The following TRAPPC12 variants were observed in gnomAD, a reference collection of about 807,000 sequenced individuals.
TRAPPC12 encodes the protein TPR repeat protein 15.
TRAPPC12 carries 61 observed loss-of-function variants against 69.2 expected under a neutral mutation model. That is an observed-to-expected ratio of 0.88 (90% CI 0.72 to 1.09). The LOEUF is 1.09. TRAPPC12 is among the 50% of genes least tolerant of loss of function. The pLI, the probability that TRAPPC12 is intolerant of heterozygous loss-of-function variation, is 0.00. For synonymous variants in TRAPPC12, 469 were observed against 438.9 expected, an observed-to-expected ratio of 1.07 and a Z score of -0.86; for missense variants, 1,101 against 1,016.4, an observed-to-expected ratio of 1.08 and a Z score of -1.13.
At chr2:3,457,747 T>G (rs1665241759) in intron 7 of TRAPPC12, 54 bp downstream of exon 7, 1 of 1,599,698 alleles carries the variant, frequency 6.3e-7, no homozygotes, top group Non-Finnish European at 8.5e-7. Flanking sequence ...ACTGACAGAC[T>G]GAGCCCAAAG....
At chr2:3,398,984 C>G (rs547580448) in intron 2 of TRAPPC12, among the ~76,000 whole-genome samples, 2 of 152,330 alleles carry the variant, frequency 1.3e-5, no homozygotes, top group South Asian at 4.1e-4. Context: ...ACCTCCCCTG[C>G]ACAGTAACGG....
At chr2:3,425,833 A>G (rs577014639) in intron 5 of TRAPPC12, among the ~76,000 whole-genome samples, 4 of 152,234 alleles carry the variant, frequency 2.6e-5, no homozygotes, top group Non-Finnish European at 5.9e-5. Context: ...GTCTCAGAAA[A>G]TTTAAATAAA....
chr2:3,472,708 C>T (rs1666118326), intron 9 of TRAPPC12: 1 of 152,136 alleles, frequency 6.6e-6, no homozygotes, highest in African/African-American at 2.4e-5. Context: ...TTGCAAATCC[C>T]GTATCTGATA....
At chr2:3,424,477 C>G in intron 4 of TRAPPC12, 48 bp from the exon 5 acceptor site, 1 of 1,559,232 alleles carries the variant, frequency 6.4e-7, no homozygotes, top group Non-Finnish European at 8.7e-7. Context: ...AAATTCTGAA[C>G]TGGATATATG....
chr2:3,461,466 C>T (rs962868437), intron 8 of TRAPPC12, among the ~76,000 whole-genome samples: 5 of 152,194 alleles, frequency 3.3e-5, no homozygotes, highest in South Asian at 2.1e-4. Context: ...AGCAAGCGAC[C>T]GTGACGCAGC....
intron 1 of TRAPPC12, among the ~76,000 whole-genome samples, chr2:3,380,288 G>A (rs540133960): frequency 1.8e-4 from 27 of 152,168 alleles, no homozygotes; most frequent in Non-Finnish European, 3.2e-4. Context: ...CCCTCCCGCG[G>A]AAAGAGGTTA....
chr2:3,402,419 T>C (rs766390401), intron 3 of TRAPPC12, among the ~76,000 whole-genome samples: 2 of 152,020 alleles, frequency 1.3e-5, no homozygotes. Context: ...GTGAACCCCA[T>C]CTCTACTAAA....
At chr2:3,435,657 C>G (rs1335511232) in intron 5 of TRAPPC12, among the ~76,000 whole-genome samples, 1 of 152,190 alleles carries the variant, frequency 6.6e-6, no homozygotes, top group African/African-American at 2.4e-5. Flanking sequence ...TCCACGAGTA[C>G]AAGCAGGTGT....
rs1666358102 is a variant in TRAPPC12 at position 3,477,761 on chromosome 2, G to A, written c.1843G>A (p.Gly615Arg). 2 of 1,604,150 alleles carry A rather than the reference G, an allele frequency of 1.2e-6. No individual in the cohort carries two copies. Among genetic ancestry groups the A allele is most frequent in the Non-Finnish European group, 1.7e-6 (2 of 1,175,944 alleles). Residue 615 changes from glycine to arginine, a missense_variant, in exon 10 of 12, where the codon GGA becomes AGA. By Grantham distance (125) the Gly-to-Arg change is moderately radical. Coordinates refer to ENST00000324266, the MANE Select transcript of TRAPPC12 (RefSeq NM_016030.6). ...DVEKVTQKLD[G>R]LQGKIMVLMN... is the part of the protein sequence containing the mutation. ...TGAGAAAGTAACACAGAAATTAGATGGACTACAGGGTAAAATCATGGTTTT... is the reference window on the plus strand; with the variant it reads ...TGAGAAAGTAACACAGAAATTAGATAGACTACAGGGTAAAATCATGGTTTT...
Position 3,457,694 on chromosome 2 carries a change from G to A in TRAPPC12, c.1603+1G>A, listed in dbSNP as rs1458301330. 6.2e-7 allele frequency: 1 copy of A among 1,609,916 alleles called. No homozygotes were observed. The highest frequency in any genetic ancestry group is 2.2e-5 in the East Asian group (1 of 44,874). The stretch of plus-strand genomic sequence containing the variant: ...AGCGTGACTCAGGAGGGCAGACAAG[G>A]TGGGTCGGCCGGACTTTGCTGACTA... On this transcript the variant is annotated splice_donor_variant, in intron 7 of 11. Coordinates refer to ENST00000324266, the MANE Select transcript of TRAPPC12 (RefSeq NM_016030.6). LOFTEE classifies it high-confidence loss of function.
intron 9 of TRAPPC12, among the ~76,000 whole-genome samples, chr2:3,470,216 A>G (rs1479927378): frequency 6.6e-6 from 1 of 152,224 alleles, no homozygotes; most frequent in Non-Finnish European, 1.5e-5. Flanking sequence ...TTCCGGGTCA[A>G]CCCTAGCGAG....
In TRAPPC12 at chr2:3,388,232, C is replaced by T. The variant is rs199651906; in HGVS notation, c.609C>T (p.Ser203=). The change falls in exon 2 of 12, where the codon AGC becomes AGT. Residue 203 remains serine, a synonymous_variant. Coordinates refer to ENST00000324266, the MANE Select transcript of TRAPPC12 (RefSeq NM_016030.6). ...ARTPPQVVQP[S]PSLSTFFGDT... ...CACCGCCCCAGGTCGTGCAGCCCAGCCCCAGCCTCAGCACGTTCTTCGGAG... is the reference window on the plus strand; with the variant it reads ...CACCGCCCCAGGTCGTGCAGCCCAGTCCCAGCCTCAGCACGTTCTTCGGAG... 2.5e-6 allele frequency: 4 copies of T among 1,608,926 alleles called. No homozygotes were observed. Among genetic ancestry groups the T allele is most frequent in the Non-Finnish European group, 3.4e-6 (4 of 1,177,842 alleles).
chr2:3,456,794 G>A, intron 6 of TRAPPC12: 1 of 251,958 alleles, frequency 4.0e-6, no homozygotes, highest in South Asian at 4.0e-5. Context: ...GCCCCAGCTG[G>A]TCTCTAACTC....
At chr2:3,451,284 A>G (rs921705884) in intron 6 of TRAPPC12, among the ~76,000 whole-genome samples, 1 of 152,234 alleles carries the variant, frequency 6.6e-6, no homozygotes, top group Non-Finnish European at 1.5e-5. Context: ...TGGACCGGCC[A>G]TGACATGCCC....
At chr2:3,383,987 C>G (rs1251468667) in intron 1 of TRAPPC12, among the ~76,000 whole-genome samples, 1 of 145,308 alleles carries the variant, frequency 6.9e-6, no homozygotes, top group Admixed American at 7.2e-5. Context: ...CCTCCGCCTC[C>G]TGGGTTCAAG....
intron 4 of TRAPPC12, 81 bp downstream of exon 4, chr2:3,422,075 C>A: frequency 1.9e-6 from 2 of 1,051,230 alleles, no homozygotes; most frequent in South Asian, 1.4e-5. Flanking sequence ...GCCTTTCATG[C>A]CAATAACAAA....
intron 5 of TRAPPC12, among the ~76,000 whole-genome samples, chr2:3,438,382 T>TC (rs1158353528): frequency 4.2e-5 from 4 of 95,378 alleles, no homozygotes; most frequent in Non-Finnish European, 8.1e-5. Flanking sequence ...CCTGGATTGA[T>TC]CCCCCATCAC....
chr2:3,424,931 C>T (rs1244735170), intron 5 of TRAPPC12, among the ~76,000 whole-genome samples: 1 of 152,226 alleles, frequency 6.6e-6, no homozygotes, highest in Non-Finnish European at 1.5e-5. Context: ...TGATTTGGTG[C>T]AGGGGCCGGG....
At chr2:3,396,514 G>A (rs553299309) in intron 2 of TRAPPC12, among the ~76,000 whole-genome samples, 1 of 151,944 alleles carries the variant, frequency 6.6e-6, no homozygotes, top group Non-Finnish European at 1.5e-5. Flanking sequence ...GGAAATTTGG[G>A]GTCATTATTT....
Sources: gnomAD v4.1 joint callset for allele counts (sites outside exome capture counted in the v4.1 genomes callset) on GRCh38, gnomAD v4.1.1 for gene constraint, MANE v1.5 for transcripts, NCBI Gene and HGNC (gene_info 2026-07-23, HGNC 2026-07-21) for gene names.